Variants in RGS22 observed in about 807,000 individuals in gnomAD.
The protein encoded by RGS22 is regulator of G-protein signaling 22.
In RGS22, 148 loss-of-function variants were observed where a neutral mutation model predicts 172.9. That is an observed-to-expected ratio of 0.86 (90% CI 0.75 to 0.98). RGS22 has a LOEUF of 0.98. Among genes scored for constraint, RGS22 ranks in the 50% least tolerant of loss-of-function variants. RGS22 has a pLI of 0.00. For missense variants in RGS22, 1,347 were observed against 1,440.8 expected (o/e 0.93, Z 1.05); for synonymous variants, 458 against 480.2 (o/e 0.95, Z 0.60).
At chr8:100,020,675 TGA>T (rs1443067870) in intron 14 of RGS22, among the ~76,000 whole-genome samples, 1 of 152,224 alleles carries the variant, frequency 6.6e-6, no homozygotes, top group Non-Finnish European at 1.5e-5. Flanking sequence ...AGGAATTTTG[TGA>T]GTCAGTTGTT....
chr8:100,021,490 CA>C (rs1429953306), intron 14 of RGS22, among the ~76,000 whole-genome samples: 3 of 152,148 alleles, frequency 2.0e-5, no homozygotes, highest in Admixed American at 1.3e-4. Context: ...TGAGAAAGTA[CA>C]AGGAACATAT....
chr8:100,049,744 A>G (rs1395308900), intron 10 of RGS22, among the ~76,000 whole-genome samples: 2 of 152,130 alleles, frequency 1.3e-5, no homozygotes, highest in East Asian at 3.9e-4. Flanking sequence ...CCAGGGAGAG[A>G]GCTTGTTAGA....
rs1810287608 is a variant in RGS22 at position 99,962,308 on chromosome 8, CTG to C, written c.*45+84_*45+85del. 29 of 821,360 alleles carry C rather than the reference CTG, an allele frequency of 3.5e-5. 1 individual carries two copies. In the South Asian group the frequency reaches 3.7e-4, roughly 10 times the overall value. 50.9% of individuals were successfully genotyped at this position (821,360 alleles called of 1,614,324 possible). A position where few individuals can be genotyped will look rare whatever the true frequency, so the allele number is the denominator to read the frequency against. On this transcript the variant is annotated intron_variant, in intron 27 of 27. Coordinates refer to ENST00000360863, the MANE Select transcript of RGS22 (RefSeq NM_015668.5). ...TGGGACATGTTATATGTGTGGTATGCTGTGTGTGTGCATGCGTGCATGTACAT... is the reference window on the plus strand; with the variant it reads ...TGGGACATGTTATATGTGTGGTATGCTGTGTGTGCATGCGTGCATGTACAT...
intron 24 of RGS22, among the ~76,000 whole-genome samples, chr8:99,964,833 T>C (rs1484236669): frequency 6.6e-6 from 1 of 152,174 alleles, no homozygotes; most frequent in Non-Finnish European, 1.5e-5. Flanking sequence ...AGACATAAGT[T>C]AAACATACGA....
In RGS22 at chr8:100,066,166, C is replaced by G; in HGVS notation, c.724+1G>C. 6.2e-7 allele frequency: 1 copy of G among 1,611,184 alleles called. No homozygotes were observed. Among genetic ancestry groups the G allele is most frequent in the East Asian group, 2.2e-5 (1 of 44,756 alleles). On this transcript the variant is annotated splice_donor_variant, in intron 7 of 27. Coordinates refer to ENST00000360863, the MANE Select transcript of RGS22 (RefSeq NM_015668.5). LOFTEE classifies it high-confidence loss of function. ...AGTCATTCTTGTCCTTTTCTGCTTA[C>G]CAGAAACAGATGAAATAGCTGGTGA...
chr8:100,030,703 C>A (rs1239334206), intron 14 of RGS22, among the ~76,000 whole-genome samples: 1 of 152,096 alleles, frequency 6.6e-6, no homozygotes, highest in Non-Finnish European at 1.5e-5. Context: ...CTATATTCAG[C>A]TAAATCAACA....
At chr8:100,007,357 A>C (rs150447967) in intron 15 of RGS22, among the ~76,000 whole-genome samples, 334 of 152,320 alleles carry the variant, frequency 2.2e-3, no homozygotes, top group Non-Finnish European at 3.6e-3. Flanking sequence ...TAAATATTTA[A>C]ATAAATTGCC....
At chr8:100,076,238 T>A (rs1194170490) in intron 4 of RGS22, among the ~76,000 whole-genome samples, 1 of 152,228 alleles carries the variant, frequency 6.6e-6, no homozygotes, top group African/African-American at 2.4e-5. Context: ...TTTATCTTTT[T>A]TTCCTTGTGC....
intron 9 of RGS22, among the ~76,000 whole-genome samples, chr8:100,060,421 T>TACACAC (rs1554629643): frequency 1.3e-4 from 16 of 119,502 alleles, no homozygotes; most frequent in African/African-American, 4.3e-4. Flanking sequence ...TATATATATA[T>TACACAC]ACACACACAC....
At chr8:100,019,703 A>G (rs556733397) in intron 14 of RGS22, among the ~76,000 whole-genome samples, 2 of 152,164 alleles carry the variant, frequency 1.3e-5, no homozygotes, top group Non-Finnish European at 2.9e-5. Context: ...TGTATCACTA[A>G]TAAGTCCCTT....
chr8:99,968,432 T>C (rs202197754), intron 23 of RGS22, among the ~76,000 whole-genome samples: 8 of 151,952 alleles, frequency 5.3e-5, no homozygotes. Context: ...TAACAAACTC[T>C]TCTGAGCTAA....
At chr8:100,056,813 C>T (rs1809661095) in intron 9 of RGS22, among the ~76,000 whole-genome samples, 1 of 152,204 alleles carries the variant, frequency 6.6e-6, no homozygotes, top group Non-Finnish European at 1.5e-5. Context: ...TCTGCTAGAG[C>T]AGTGAGGAAG....
intron 17 of RGS22, chr8:100,003,287 T>A (rs376037103): frequency 6.6e-6 from 1 of 151,922 alleles, no homozygotes; most frequent in East Asian, 1.9e-4. Flanking sequence ...TATATACATG[T>A]ACTATGTAGC....
intron 4 of RGS22, 62 bp downstream of exon 4, chr8:100,080,072 C>T: frequency 1.7e-6 from 2 of 1,184,650 alleles, no homozygotes; most frequent in Admixed American, 2.1e-5. Context: ...CCTAAGTAAA[C>T]TCATGTTAAT....
intron 14 of RGS22, among the ~76,000 whole-genome samples, chr8:100,020,723 CTTACAA>C (rs1285591717): frequency 6.6e-6 from 1 of 152,070 alleles, no homozygotes; most frequent in African/African-American, 2.4e-5. Flanking sequence ...ATCACATAAA[CTTACAA>C]TTAAAGAAAT....
chr8:100,085,280 T>C (rs770023154), intron 3 of RGS22, among the ~76,000 whole-genome samples: 21 of 152,200 alleles, frequency 1.4e-4, no homozygotes, highest in Non-Finnish European at 2.8e-4. Flanking sequence ...ATTATTATCA[T>C]AATATCCTAT....
At chr8:100,057,315 A>T (rs1290428298) in intron 9 of RGS22, among the ~76,000 whole-genome samples, 1 of 152,116 alleles carries the variant, frequency 6.6e-6, no homozygotes, top group East Asian at 1.9e-4. Context: ...GAGACTTTGG[A>T]CTGTGGACTT....
intron 14 of RGS22, among the ~76,000 whole-genome samples, chr8:100,033,676 T>C (rs1205794212): frequency 1.3e-5 from 2 of 151,262 alleles, no homozygotes; most frequent in East Asian, 1.9e-4. Flanking sequence ...AAAAGAATTT[T>C]AGACCAACAT....
Position 100,005,259 on chromosome 8 carries a change from G to A in RGS22, c.2454+758C>T, listed in dbSNP as rs1815567570. The stretch of plus-strand genomic sequence containing the variant: ...ATCACCTGAAACCTTACCACTCAGA[G>A]TTAACTATCTTTAATATTTTGGTGA... On this transcript the variant is annotated intron_variant, in intron 16 of 27. Transcript: ENST00000360863. 2.0e-5 allele frequency among the ~76,000 whole-genome samples: 3 copies of A among 152,020 alleles called. No homozygotes were observed. In the South Asian group the frequency reaches 6.2e-4, roughly 32 times the overall value.
Sources: allele counts gnomAD v4.1 joint callset (sites outside exome capture counted in the v4.1 genomes callset), GRCh38; gene constraint gnomAD v4.1.1; transcripts MANE v1.5; gene names NCBI Gene and HGNC (gene_info 2026-07-23, HGNC 2026-07-21).